RTN1: variants seen among roughly 807,000 people sequenced by gnomAD.
RTN1 encodes reticulon 1.
A neutral mutation model predicts 65.5 loss-of-function variants in RTN1; 25 were observed. The observed-to-expected ratio is 0.38, with a 90% CI of 0.28 to 0.53. The LOEUF (loss-of-function observed/expected upper bound fraction) is 0.53. Among genes scored for constraint, RTN1 ranks in the 20% least tolerant of loss-of-function variants. RTN1 has a pLI of 0.79. For synonymous variants in RTN1, 471 were observed against 447.6 expected (o/e 1.05, Z -0.66); for missense variants, 983 against 1,025.4 (o/e 0.96, Z 0.57).
chr14:59,866,204 T>G (rs1267956869), intron 1 of RTN1, among the ~76,000 whole-genome samples: 2 of 152,202 alleles, frequency 1.3e-5, no homozygotes, highest in African/African-American at 4.8e-5. Context: ...ATGACTGACC[T>G]GTGTTTAGCA....
chr14:59,614,145 G>A (rs1367865072), intron 3 of RTN1, among the ~76,000 whole-genome samples: 1 of 152,090 alleles, frequency 6.6e-6, no homozygotes, highest in East Asian at 1.9e-4. Flanking sequence ...TTGGCTTTGG[G>A]TTACCTTGCA....
intron 8 of RTN1, among the ~76,000 whole-genome samples, chr14:59,601,895 A>T (rs1343391944): frequency 2.0e-5 from 3 of 152,158 alleles, no homozygotes; most frequent in Non-Finnish European, 4.4e-5. Context: ...TTCTTAATAC[A>T]AAATAAAATG....
chr14:59,849,997 C>T lies in RTN1; in HGVS notation c.241+20393G>A, dbSNP rs1446958402. Among the ~76,000 whole-genome samples the T allele has an allele frequency of 6.6e-6, 1 of 152,124 alleles. No individual in the cohort carries two copies. The highest frequency in any genetic ancestry group is 1.5e-5 in the Non-Finnish European group (1 of 68,024). Reference sequence around the variant, plus strand: ...TTTGTGTCCATTCCAGGGGCCAAGCCTCTCCTTTCACCGCCACCTCTTCCC... The same window carrying T: ...TTTGTGTCCATTCCAGGGGCCAAGCTTCTCCTTTCACCGCCACCTCTTCCC... On this transcript the variant is annotated intron_variant, in intron 1 of 8. Transcript: ENST00000267484. The surrounding 1 kb of genome is among the most constrained non-coding windows in gnomAD (Gnocchi z 4.5).
At chr14:59,632,563 C>A (rs1882576502) in intron 3 of RTN1, among the ~76,000 whole-genome samples, 1 of 111,888 alleles carries the variant, frequency 8.9e-6, no homozygotes, top group Admixed American at 1.0e-4. Context: ...ACTGCCAGTC[C>A]AATGATAGCC....
At chr14:59,865,768 T>C (rs1887787290) in intron 1 of RTN1, among the ~76,000 whole-genome samples, 1 of 152,190 alleles carries the variant, frequency 6.6e-6, no homozygotes, top group Admixed American at 6.5e-5. Context: ...CCCTCTAAAT[T>C]TTCCAGCATC....
chr14:59,708,902 T>C (rs890761271), intron 3 of RTN1, among the ~76,000 whole-genome samples: 11 of 152,218 alleles, frequency 7.2e-5, no homozygotes, highest in Middle Eastern at 3.2e-3. Context: ...TCGCATACTA[T>C]ACAGACTGAG....
Position 59,749,154 on chromosome 14 carries a change from CTATATCTATCTATA to C in RTN1, c.242-2687_242-2674del, listed in dbSNP as rs1566710928. The stretch of plus-strand genomic sequence containing the variant: ...TATCTATATCTATCTATCTATCTAT[CTATATCTATCTATA>C]TATCTATCTATATATCTATCTATAT... On this transcript the variant is annotated intron_variant, in intron 1 of 8. Transcript: ENST00000267484. Among the ~76,000 whole-genome samples the C allele has an allele frequency of 1.2e-3, 72 of 59,230 alleles. 10 individuals are homozygous for C. Among genetic ancestry groups the C allele is most frequent in the African/African-American group, 7.8e-3 (70 of 9,008 alleles). The allele number at this position is 59,230 out of a possible 152,430, so 38.9% of individuals were successfully genotyped here. A position where few individuals can be genotyped will look rare whatever the true frequency, so the allele number is the denominator to read the frequency against.
chr14:59,851,075 G>A (rs1049234797), intron 1 of RTN1, among the ~76,000 whole-genome samples: 29 of 152,156 alleles, frequency 1.9e-4, no homozygotes, highest in Admixed American at 2.0e-4. Context: ...AGGCTGTTGT[G>A]ATCAACCTAT....
chr14:59,749,512 T>TAG (rs1192921276), intron 1 of RTN1, among the ~76,000 whole-genome samples: 1 of 38,384 alleles, frequency 2.6e-5, no homozygotes, highest in Non-Finnish European at 4.1e-5. Context: ...TATATATAGA[T>TAG]ATCTATATAT....
chr14:59,863,228 T>C (rs1481389519), intron 1 of RTN1, among the ~76,000 whole-genome samples: 7 of 152,152 alleles, frequency 4.6e-5, no homozygotes, highest in African/African-American at 9.7e-5. Context: ...CTTTCCCTTC[T>C]TTTCATCTCA....
At chr14:59,684,652 T>A (rs1180386215) in intron 3 of RTN1, among the ~76,000 whole-genome samples, 1 of 152,132 alleles carries the variant, frequency 6.6e-6, no homozygotes, top group Non-Finnish European at 1.5e-5. Context: ...TTTTATACTG[T>A]ATTCCATCCT....
At chr14:59,610,374 T>C (rs1881910218) in intron 3 of RTN1, 2 of 551,372 alleles carry the variant, frequency 3.6e-6, no homozygotes, top group Non-Finnish European at 6.4e-6. Flanking sequence ...AACAACAGGC[T>C]GTTGGTTCTG....
intron 1 of RTN1, among the ~76,000 whole-genome samples, chr14:59,772,938 C>G (rs1566722106): frequency 6.6e-6 from 1 of 152,114 alleles, no homozygotes; most frequent in Non-Finnish European, 1.5e-5. Context: ...ATGGCCCAGC[C>G]TGATAATAGC....
At position 59,689,929 on chromosome 14, in the gene RTN1, A is replaced by C. The variant is rs191036563; in HGVS notation, c.1765+36990T>G. Reference sequence around the variant, plus strand: ...GAAACTACAAAGCAACCAGCTAACAACTTCACAACAGGATCAAAACCTCAC... The same window carrying C: ...GAAACTACAAAGCAACCAGCTAACACCTTCACAACAGGATCAAAACCTCAC... On this transcript the variant is annotated intron_variant, in intron 3 of 8. Coordinates refer to ENST00000267484, the MANE Select transcript of RTN1 (RefSeq NM_021136.3). Among the ~76,000 whole-genome samples, 128 of 152,248 alleles carry C rather than the reference A, an allele frequency of 8.4e-4. 1 individual carries two copies. Among genetic ancestry groups the C allele is most frequent in the Admixed American group, 1.2e-3 (19 of 15,284 alleles).
chr14:59,843,236 T>A (rs537741362), intron 1 of RTN1, among the ~76,000 whole-genome samples: 10 of 152,348 alleles, frequency 6.6e-5, no homozygotes, highest in African/African-American at 2.4e-4. Flanking sequence ...TTATTCCCTT[T>A]CTATGCTGTC....
Position 59,673,927 on chromosome 14 carries a change from T to C in RTN1, c.1765+52992A>G, listed in dbSNP as rs188059784. On this transcript the variant is annotated intron_variant, in intron 3 of 8. Coordinates refer to ENST00000267484, the MANE Select transcript of RTN1 (RefSeq NM_021136.3). ...ATTATAACTAGGATATGGATATTGATTCAATCCCCCAATCTTATTCATATA... is the reference window on the plus strand; with the variant it reads ...ATTATAACTAGGATATGGATATTGACTCAATCCCCCAATCTTATTCATATA... Among the ~76,000 whole-genome samples the C allele has an allele frequency of 1.5e-3, 230 of 152,338 alleles. 1 individual carries two copies. The highest frequency in any genetic ancestry group is 5.1e-3 in the African/African-American group (213 of 41,574).
chr14:59,804,114 T>C (rs1886594516), intron 1 of RTN1, among the ~76,000 whole-genome samples: 1 of 152,186 alleles, frequency 6.6e-6, no homozygotes, highest in Non-Finnish European at 1.5e-5. Context: ...CAGGATCCCA[T>C]CCAGGACACC....
rs765306051 is a variant in RTN1, at chr14:59,727,057, G to A, written c.1627C>T (p.Leu543=). The A allele has an allele frequency of 1.2e-6, 2 of 1,613,256 alleles. No individual in the cohort carries two copies. The highest frequency in any genetic ancestry group is 8.5e-7 in the Non-Finnish European group (1 of 1,179,628). Residue 543 remains leucine (L), a synonymous_variant, in exon 3 of 9, where the codon CTG becomes TTG. Coordinates refer to ENST00000267484, the MANE Select transcript of RTN1 (RefSeq NM_021136.3). The surrounding 1 kb of genome is among the most constrained non-coding windows in gnomAD (Gnocchi z 4.2). ...GGCAACATGGGCGTCTCAGGCTCCA[G>A]GGCTCCGTCTCCAGGGGGCAGCTCG... ...GPELPPGDGA[L]EPETPMLPRK... is the part of the protein sequence containing the mutation.
intron 3 of RTN1, among the ~76,000 whole-genome samples, chr14:59,695,624 T>C (rs926400789): frequency 1.3e-5 from 2 of 152,164 alleles, no homozygotes; most frequent in South Asian, 4.1e-4. Context: ...CTTCTCATTG[T>C]AGCCCCTCAG....
Sources: allele counts gnomAD v4.1 joint callset (sites outside exome capture counted in the v4.1 genomes callset), GRCh38; gene constraint gnomAD v4.1.1; non-coding constraint Gnocchi (gnomAD v3.1); transcripts MANE v1.5; gene names NCBI Gene and HGNC (gene_info 2026-07-23, HGNC 2026-07-21).